DES: variants seen among roughly 807,000 people sequenced by gnomAD.
DES encodes the protein cardiomyopathy, dilated 1F (autosomal dominant).
A neutral mutation model predicts 55.1 loss-of-function variants in DES; 34 were observed. The ratio of observed to expected loss-of-function variants is 0.62; its 90% CI spans 0.47 to 0.82. The LOEUF (loss-of-function observed/expected upper bound fraction) is 0.82, where lower values mean the gene tolerates loss of function less well. DES is among the 40% of genes least tolerant of loss of function. The pLI, the probability that DES is intolerant of heterozygous loss-of-function variation, is 0.00. For synonymous variants in DES, 259 were observed against 270.8 expected (o/e 0.96, Z 0.43); for missense variants, 596 against 645.9 (o/e 0.92, Z 0.84).
intron 7 of DES, among the ~76,000 whole-genome samples, chr2:219,424,786 G>A (rs900574542): frequency 6.6e-5 from 10 of 152,328 alleles, no homozygotes; most frequent in South Asian, 6.2e-4. Flanking sequence ...ACTTCACTCC[G>A]TGTCCTCAGT....
intron 5 of DES, 34 bp from the exon 6 acceptor site, chr2:219,421,306 C>T (rs1280356487): frequency 6.2e-7 from 1 of 1,611,808 alleles, no homozygotes; most frequent in East Asian, 2.2e-5. Flanking sequence ...GTGTCCTCTT[C>T]CCTTCCTTGA....
intron 5 of DES, 139 bp from the exon 6 acceptor site, chr2:219,421,201 C>A: frequency 2.0e-6 from 2 of 1,001,320 alleles, no homozygotes; most frequent in Non-Finnish European, 3.1e-6. Context: ...TCTGAGTGTT[C>A]ACATATAGAC....
Position 219,418,406 on chromosome 2 carries a change from C to T in DES, c.-57C>T. On this transcript the variant is annotated 5_prime_UTR_variant, in exon 1 of 9. Transcript: ENST00000373960. ...CCCCTCGCCGCATCCACTCTCCGGC[C>T]GGCCGCCTGCCCGCCGCCTCCTCCG... The T allele has an allele frequency of 1.3e-6, 2 of 1,511,206 alleles. No individual in the cohort carries two copies. Among genetic ancestry groups the T allele is most frequent in the Non-Finnish European group, 8.8e-7 (1 of 1,136,012 alleles). The allele number at this position is 1,511,206 out of a possible 1,614,324, so 93.6% of individuals were successfully genotyped here.
chr2:219,418,793 G>A lies in DES; in HGVS notation c.331G>A (p.Glu111Lys). The A allele has an allele frequency of 6.4e-7, 1 of 1,568,526 alleles. No individual in the cohort carries two copies. ...GACCACGCGCACCAACGAGAAGGTG[G>A]AGCTGCAGGAGCTCAATGACCGCTT... ...FLTTRTNEKV[E>K]LQELNDRFAN... Residue 111 changes from glutamate (E) to lysine (K), a missense_variant, in exon 1 of 9, where the codon GAG (glutamate) becomes AAG (lysine). By Grantham distance (56) the Glu-to-Lys change is moderately conservative (BLOSUM62 1). Coordinates refer to ENST00000373960, the MANE Select transcript of DES (RefSeq NM_001927.4).
At chr2:219,422,922 T>C (rs924840595) in intron 6 of DES, among the ~76,000 whole-genome samples, 9 of 152,198 alleles carry the variant, frequency 5.9e-5, no homozygotes, top group Non-Finnish European at 7.3e-5. Context: ...CTGGTACCCC[T>C]TGATACTCAT....
Position 219,426,106 on chromosome 2 carries a change from C to T in DES, c.*116C>T, listed in dbSNP as rs1954532067. ...CCAGCCTCAGTCCTCCCCTCACAGC[C>T]TCTGACCCCTCCTCACTGGCCATCC... On this transcript the variant is annotated 3_prime_UTR_variant, in exon 9 of 9. Coordinates refer to ENST00000373960, the MANE Select transcript of DES (RefSeq NM_001927.4). The surrounding 1 kb of genome is among the most constrained non-coding windows in gnomAD (Gnocchi z 4.5). 2 of 1,178,100 alleles carry T rather than the reference C, an allele frequency of 1.7e-6. No homozygotes were observed. Among genetic ancestry groups the T allele is most frequent in the East Asian group, 5.0e-5 (2 of 39,718 alleles). 73.0% of individuals were successfully genotyped at this position (1,178,100 alleles called of 1,614,324 possible).
chr2:219,424,279 C>T (rs750929476), intron 7 of DES, among the ~76,000 whole-genome samples: 3 of 152,090 alleles, frequency 2.0e-5, no homozygotes, highest in Non-Finnish European at 2.9e-5. Context: ...GTTGGATGCA[C>T]GTTTGGAAAA....
rs1398027713 is a variant in DES at position 219,418,874 on chromosome 2, G to A, written c.412G>A (p.Ala138Thr). 6.4e-7 allele frequency: 1 copy of A among 1,573,424 alleles called. No homozygotes were observed. The change falls in exon 1 of 9, where the codon GCC becomes ACC. Residue 138 changes from alanine (A) to threonine (T), a missense_variant. Physicochemically the swap from Ala to Thr is moderately conservative, Grantham distance 58 (BLOSUM62 0). Coordinates refer to ENST00000373960, the MANE Select transcript of DES (RefSeq NM_001927.4). ...FLEQQNAALA[A>T]EVNRLKGREP... ...GGAGCAGCAGAACGCGGCGCTCGCC[G>A]CCGAAGTGAACCGGCTCAAGGGCCG...
intron 6 of DES, 45 bp downstream of exon 6, chr2:219,421,605 G>T (rs1575015125): frequency 6.3e-7 from 1 of 1,584,800 alleles, no homozygotes; most frequent in Non-Finnish European, 8.6e-7. Flanking sequence ...CGGGGTGCTG[G>T]GTGGTCCATT....
At position 219,420,261 on chromosome 2, in the gene DES, C is replaced by T. The variant is rs771882136; in HGVS notation, c.650C>T (p.Ala217Val). 3.7e-6 allele frequency: 6 copies of T among 1,614,092 alleles called. No individual in the cohort carries two copies. The highest frequency in any genetic ancestry group is 1.7e-5 in the Admixed American group (1 of 60,002). Residue 217 changes from alanine to valine, a missense_variant, in exon 3 of 9, where the codon GCA (alanine) becomes GTA (valine). Coordinates refer to ENST00000373960, the MANE Select transcript of DES (RefSeq NM_001927.4). The surrounding 1 kb of genome is among the most constrained non-coding windows in gnomAD (Gnocchi z 6.0). ...CTTGGCCTCTCCCAGGACGTGGATG[C>T]AGCTACTCTAGCTCGCATTGACCTG... is the stretch of plus-strand genomic sequence containing the variant. ...NLAAFRADVD[A>V]ATLARIDLER... is the part of the protein sequence containing the mutation.
In DES at chr2:219,420,237, T is replaced by C; in HGVS notation, c.640-14T>C. The C allele has an allele frequency of 6.2e-7, 1 of 1,614,194 alleles. No individual in the cohort carries two copies. Among genetic ancestry groups the C allele is most frequent in the Non-Finnish European group, 8.5e-7 (1 of 1,180,006 alleles). ...GTGGCGGTGACCATGTCCTTCTCGC[T>C]TGGCCTCTCCCAGGACGTGGATGCA... On this transcript the variant is annotated splice_polypyrimidine_tract_variant and intron_variant, in intron 2 of 8. Transcript: ENST00000373960. This position sits in a 1 kb window ranked among gnomAD's most constrained non-coding sequence, Gnocchi z 6.0.
chr2:219,421,211 C>A, intron 5 of DES, 129 bp from the exon 6 acceptor site: 1 of 1,072,860 alleles, frequency 9.3e-7, no homozygotes, highest in Non-Finnish European at 1.4e-6. Flanking sequence ...CACATATAGA[C>A]TTAATTTGAG....
At chr2:219,425,342 A>AG (rs1954516383) in intron 7 of DES, among the ~76,000 whole-genome samples, 2 of 152,036 alleles carry the variant, frequency 1.3e-5, no homozygotes, top group African/African-American at 4.8e-5. Flanking sequence ...GAGAGGAACT[A>AG]GGAGGGATGG....
intron 6 of DES, among the ~76,000 whole-genome samples, chr2:219,422,461 A>ATTTTTTTTT (rs1954462754): frequency 2.4e-5 from 1 of 41,898 alleles, no homozygotes; most frequent in African/African-American, 9.4e-5. Flanking sequence ...AATGTTCTAT[A>ATTTTTTTTT]TCTTTTTTTT....
chr2:219,425,898 C>T lies in DES; in HGVS notation c.1372-51C>T, dbSNP rs773562808. On this transcript the variant is annotated intron_variant, in intron 8 of 8. Transcript: ENST00000373960. The stretch of plus-strand genomic sequence containing the variant: ...GGGTGGGGATGGCTCAGGGCTGAGG[C>T]TCCATTCTCTGGCTAGCACATGGTT... 33 of 1,612,386 alleles carry T rather than the reference C, an allele frequency of 2.0e-5. 2 individuals carry two copies. In the South Asian group the frequency reaches 3.4e-4, roughly 17 times the overall value.
At chr2:219,423,299 C>G (rs1183892464) in intron 6 of DES, among the ~76,000 whole-genome samples, 3 of 152,140 alleles carry the variant, frequency 2.0e-5, no homozygotes, top group African/African-American at 7.2e-5. Flanking sequence ...TGGGACAGCT[C>G]TAGCTGGCCT....
intron 7 of DES, 114 bp from the exon 8 acceptor site, chr2:219,425,549 G>T: frequency 2.3e-6 from 2 of 865,766 alleles, no homozygotes; most frequent in Non-Finnish European, 3.8e-6. Context: ...CTGTCTTGAG[G>T]GGGGTTGGGG....
In DES at chr2:219,420,061, C is replaced by T. The variant is rs375358002; in HGVS notation, c.579-34C>T. 1.2e-5 allele frequency: 19 copies of T among 1,612,896 alleles called. No homozygotes were observed. The highest frequency in any genetic ancestry group is 9.9e-5 in the South Asian group (9 of 91,048). On this transcript the variant is annotated intron_variant, in intron 1 of 8. Coordinates refer to ENST00000373960, the MANE Select transcript of DES (RefSeq NM_001927.4). The surrounding 1 kb of genome is among the most constrained non-coding windows in gnomAD (Gnocchi z 6.0). ...CGTTTCCACTGCCAGCTTTATCACCCGCAACTGTCTGTCTTTCTGTCTGTC... is the reference window on the plus strand; with the variant it reads ...CGTTTCCACTGCCAGCTTTATCACCTGCAACTGTCTGTCTTTCTGTCTGTC...
intron 7 of DES, chr2:219,425,440 A>C: frequency 1.8e-6 from 1 of 570,148 alleles, no homozygotes; most frequent in Non-Finnish European, 3.2e-6. Flanking sequence ...TTGGCTCCTG[A>C]GACCATCTAA....
Sources: gnomAD v4.1 joint callset for allele counts (sites outside exome capture counted in the v4.1 genomes callset) on GRCh38, gnomAD v4.1.1 for gene constraint, Gnocchi (gnomAD v3.1) non-coding constraint, MANE v1.5 for transcripts, NCBI Gene and HGNC (gene_info 2026-07-23, HGNC 2026-07-21) for gene names.